The following EFCAB11 variants were observed in gnomAD, a reference collection of about 807,000 sequenced individuals.
EFCAB11 encodes the protein EF-hand calcium-binding domain-containing protein 11.
In EFCAB11, 14 loss-of-function variants were observed where a neutral mutation model predicts 23.0. That is an observed-to-expected ratio of 0.61 (90% CI 0.40 to 0.95). The LOEUF (loss-of-function observed/expected upper bound fraction) is 0.95, where lower values mean the gene tolerates loss of function less well. Among genes scored for constraint, EFCAB11 ranks in the 40% least tolerant of loss-of-function variants. The probability of loss-of-function intolerance (pLI) is 0.00; values close to 1 mark genes in which losing one functional copy is unlikely to be tolerated. For missense variants in EFCAB11, 198 were observed against 195.8 expected, an observed-to-expected ratio of 1.01 and a Z score of -0.07; for synonymous variants, 65 against 66.6, an observed-to-expected ratio of 0.98 and a Z score of 0.11.
chr14:89,937,053 A>G (rs574546195), intron 3 of EFCAB11, among the ~76,000 whole-genome samples: 1 of 152,332 alleles, frequency 6.6e-6, no homozygotes, highest in South Asian at 2.1e-4. Flanking sequence ...CTGTTCCACT[A>G]CTAATAGTTA....
At chr14:89,814,335 C>T (rs1239660271) in intron 5 of EFCAB11, among the ~76,000 whole-genome samples, 1 of 152,178 alleles carries the variant, frequency 6.6e-6, no homozygotes. Context: ...TACTGACCTG[C>T]CCACCATGCT....
chr14:89,885,874 GT>G (rs201027530), intron 5 of EFCAB11, among the ~76,000 whole-genome samples: 1 of 137,862 alleles, frequency 7.3e-6, no homozygotes, highest in Non-Finnish European at 1.7e-5. Flanking sequence ...TTGGCTTCTT[GT>G]TTTTTTCTTT....
intron 5 of EFCAB11, among the ~76,000 whole-genome samples, chr14:89,797,543 T>A (rs1428142062): frequency 1.3e-5 from 2 of 152,182 alleles, no homozygotes; most frequent in Admixed American, 6.5e-5. Flanking sequence ...ATATTCCACA[T>A]ATTTAAAGAG....
intron 5 of EFCAB11, among the ~76,000 whole-genome samples, chr14:89,888,513 G>A (rs1566798177): frequency 1.3e-5 from 2 of 152,138 alleles, no homozygotes; most frequent in South Asian, 4.1e-4. Flanking sequence ...TGGAGCAGGG[G>A]AAGTGCTACA....
At chr14:89,862,637 A>G (rs998074663) in intron 5 of EFCAB11, among the ~76,000 whole-genome samples, 2 of 152,278 alleles carry the variant, frequency 1.3e-5, no homozygotes, top group Admixed American at 1.3e-4. Flanking sequence ...AAATACACAC[A>G]TGGAACTACA....
At chr14:89,807,284 C>T (rs910527561) in intron 5 of EFCAB11, among the ~76,000 whole-genome samples, 9 of 152,160 alleles carry the variant, frequency 5.9e-5, no homozygotes, top group Non-Finnish European at 1.2e-4. Context: ...CAAGTCCTTC[C>T]ACAAAGGAGG....
intron 5 of EFCAB11, among the ~76,000 whole-genome samples, chr14:89,872,501 C>T (rs1204259925): frequency 6.6e-6 from 1 of 152,136 alleles, no homozygotes; most frequent in Non-Finnish European, 1.5e-5. Flanking sequence ...TCAGAATAAC[C>T]TCTCTGACGG....
intron 5 of EFCAB11, chr14:89,892,336 G>C: frequency 6.2e-7 from 1 of 1,613,848 alleles, no homozygotes. Flanking sequence ...CCCTGCAGCA[G>C]GGGGACATCA....
At chr14:89,887,256 T>C (rs1053608678) in intron 5 of EFCAB11, among the ~76,000 whole-genome samples, 1 of 152,150 alleles carries the variant, frequency 6.6e-6, no homozygotes, top group Non-Finnish European at 1.5e-5. Flanking sequence ...GGATGGGAGA[T>C]GGAGTGAAGT....
At chr14:89,931,753 G>T in intron 4 of EFCAB11, 122 bp from the exon 5 acceptor site, 3 of 738,340 alleles carry the variant, frequency 4.1e-6, no homozygotes, top group Non-Finnish European at 6.7e-6. Flanking sequence ...AGTAGTTTAC[G>T]ATTGATTTCA....
Position 89,932,644 on chromosome 14 carries a change from AAAC to A in EFCAB11, c.218-20_218-18del, listed in dbSNP as rs764841764. 2 of 1,588,200 alleles carry A rather than the reference AAAC, an allele frequency of 1.3e-6. No homozygotes were observed. Among genetic ancestry groups the A allele is most frequent in the Non-Finnish European group, 1.7e-6 (2 of 1,157,632 alleles). On this transcript the variant is annotated intron_variant, in intron 3 of 5. Coordinates refer to ENST00000316738, the MANE Select transcript of EFCAB11 (RefSeq NM_145231.4). ...GTAATATACCTAAAAGTTGGGGAAA[AAAC>A]AATTTGTCAAAGATTATTGTCTTCC...
chr14:89,853,692 C>A (rs1313727879), intron 5 of EFCAB11, among the ~76,000 whole-genome samples: 1 of 152,164 alleles, frequency 6.6e-6, no homozygotes, highest in Non-Finnish European at 1.5e-5. Context: ...TTTTCTATGG[C>A]ATCATACAAA....
At chr14:89,934,661 G>A (rs1297853508) in intron 3 of EFCAB11, among the ~76,000 whole-genome samples, 1 of 152,082 alleles carries the variant, frequency 6.6e-6, no homozygotes, top group Admixed American at 6.6e-5. Context: ...TTTTTCCATA[G>A]TTGTGGGGAA....
chr14:89,897,809 AT>A (rs1157455349), intron 5 of EFCAB11, among the ~76,000 whole-genome samples: 3 of 152,246 alleles, frequency 2.0e-5, no homozygotes, highest in Non-Finnish European at 4.4e-5. Flanking sequence ...TTAATATGCC[AT>A]TTTGGAATAA....
chr14:89,828,357 T>A (rs1886772197), intron 5 of EFCAB11, among the ~76,000 whole-genome samples: 2 of 152,270 alleles, frequency 1.3e-5, no homozygotes, highest in Admixed American at 1.3e-4. Context: ...TAATATTTGT[T>A]ATTTTCACCC....
chr14:89,875,130 A>T (rs1888395450), intron 5 of EFCAB11, among the ~76,000 whole-genome samples: 1 of 152,074 alleles, frequency 6.6e-6, no homozygotes, highest in Non-Finnish European at 1.5e-5. Context: ...AAGTTGGGGG[A>T]TGCTGACTGC....
intron 5 of EFCAB11, among the ~76,000 whole-genome samples, chr14:89,807,855 TCAAAA>T (rs1482007302): frequency 1.3e-5 from 2 of 152,106 alleles, no homozygotes; most frequent in African/African-American, 4.8e-5. Context: ...AACAATGTTA[TCAAAA>T]CAAAAGATAA....
At chr14:89,930,877 A>T (rs531070702) in intron 5 of EFCAB11, among the ~76,000 whole-genome samples, 3 of 152,332 alleles carry the variant, frequency 2.0e-5, no homozygotes, top group Admixed American at 2.0e-4. Context: ...TCATGCTGGG[A>T]GTCAGAGAAG....
intron 5 of EFCAB11, among the ~76,000 whole-genome samples, chr14:89,913,568 G>A (rs764389429): frequency 6.6e-5 from 10 of 152,032 alleles, no homozygotes; most frequent in African/African-American, 9.7e-5. Context: ...TCTTTCAATC[G>A]AATCTAATCA....
Sources: allele counts gnomAD v4.1 joint callset (sites outside exome capture counted in the v4.1 genomes callset), GRCh38; gene constraint gnomAD v4.1.1; transcripts MANE v1.5; gene names NCBI Gene and HGNC (gene_info 2026-07-23, HGNC 2026-07-21).